DCT: variants seen among roughly 807,000 people sequenced by gnomAD.
DCT encodes dopachrome tautomerase.
DCT carries 47 observed loss-of-function variants against 53.0 expected under a neutral mutation model. The observed-to-expected ratio is 0.89, with a 90% CI of 0.70 to 1.13. The LOEUF is 1.13. Ranked by LOEUF, DCT falls within the 50% of genes most tolerant of loss-of-function variation. DCT has a pLI of 0.00. For missense variants in DCT, 669 were observed against 637.4 expected (o/e 1.05, Z -0.53); for synonymous variants, 244 against 237.0 (o/e 1.03, Z -0.27).
intron 1 of DCT, among the ~76,000 whole-genome samples, chr13:94,475,395 G>A (rs1885002994): frequency 6.6e-6 from 1 of 152,170 alleles, no homozygotes; most frequent in African/African-American, 2.4e-5. Context: ...GGATGGACCT[G>A]GAAGACATTT....
chr13:94,515,928 G>T, the DCT span, among the ~76,000 whole-genome samples: 1 of 152,128 alleles, frequency 6.6e-6, no homozygotes, highest in Non-Finnish European at 1.5e-5. Flanking sequence ...AAGCCATGGG[G>T]CTTAAAAATG....
the DCT span, among the ~76,000 whole-genome samples, chr13:94,507,180 A>G: frequency 6.6e-6 from 1 of 152,234 alleles, no homozygotes; most frequent in African/African-American, 2.4e-5. Context: ...AGATCTCCGA[A>G]TGAGTAAATA....
In DCT at chr13:94,479,100, A is replaced by C; in HGVS notation, c.156T>G (p.Cys52Trp). The C allele has an allele frequency of 6.2e-7, 1 of 1,614,218 alleles. No homozygotes were observed. The highest frequency in any genetic ancestry group is 8.5e-7 in the Non-Finnish European group (1 of 1,180,032). ...ACTGCCCCCGGCCTTGCTGAGAGCCACAGACATTGGCCGACTCTGCACCCA... is the reference window on the plus strand; with the variant it reads ...ACTGCCCCCGGCCTTGCTGAGAGCCCCAGACATTGGCCGACTCTGCACCCA... ...PRLGAESANVCGSQQGRGQCT... is the reference protein window; with the variant it reads ...PRLGAESANVWGSQQGRGQCT... The change falls in exon 1 of 8, where the codon TGT becomes TGG. Residue 52 changes from cysteine (C) to tryptophan (W), a missense_variant. Physicochemically the swap from Cys to Trp is radical, Grantham distance 215. Transcript: ENST00000377028.
At chr13:94,455,319 C>T (rs529853293) in intron 6 of DCT, among the ~76,000 whole-genome samples, 27 of 151,576 alleles carry the variant, frequency 1.8e-4, no homozygotes, top group Non-Finnish European at 3.7e-4. Flanking sequence ...AAGTTTGAGG[C>T]TGCCGTGAGC....
chr13:94,473,391 G>T (rs1211120426), intron 1 of DCT, among the ~76,000 whole-genome samples: 1 of 152,178 alleles, frequency 6.6e-6, no homozygotes, highest in African/African-American at 2.4e-5. Context: ...GCTAAGCTGT[G>T]ATGTTCATAG....
At chr13:94,467,089 A>G (rs1398989008) in intron 2 of DCT, 1 of 153,166 alleles carries the variant, frequency 6.5e-6, no homozygotes, top group Non-Finnish European at 1.5e-5. Context: ...GGGATTAATT[A>G]ATAATATTGT....
At chr13:94,449,020 C>T (rs533676239) in intron 6 of DCT, among the ~76,000 whole-genome samples, 2 of 151,780 alleles carry the variant, frequency 1.3e-5, no homozygotes, top group South Asian at 4.2e-4. Flanking sequence ...AAATGAGGTT[C>T]CGAATTTTGG....
intron 1 of DCT, among the ~76,000 whole-genome samples, chr13:94,471,351 T>TTTTTC (rs1469529762): frequency 6.6e-6 from 1 of 152,208 alleles, no homozygotes; most frequent in Non-Finnish European, 1.5e-5. Context: ...ATTATCTGTA[T>TTTTTC]TTTTCTTTTA....
the DCT span, among the ~76,000 whole-genome samples, chr13:94,548,700 G>A: frequency 6.6e-6 from 1 of 151,616 alleles, no homozygotes; most frequent in Non-Finnish European, 1.5e-5. Flanking sequence ...GAGTACCCAC[G>A]TCCACCCACA....
intron 1 of DCT, among the ~76,000 whole-genome samples, chr13:94,476,577 G>C (rs371865095): frequency 4.6e-4 from 69 of 150,088 alleles, no homozygotes; most frequent in African/African-American, 1.6e-3. Flanking sequence ...CTGGGTTCAA[G>C]TGATTCTCCT....
chr13:94,459,795 T>A (rs1416365653), intron 6 of DCT, among the ~76,000 whole-genome samples: 1 of 152,162 alleles, frequency 6.6e-6, no homozygotes, highest in Non-Finnish European at 1.5e-5. Context: ...TCAACAATAC[T>A]CACTTAGCCA....
chr13:94,471,081 G>A (rs1391225014), intron 1 of DCT, among the ~76,000 whole-genome samples: 1 of 152,162 alleles, frequency 6.6e-6, no homozygotes, highest in Non-Finnish European at 1.5e-5. Context: ...ATAGAGGTAA[G>A]TAAAAAGTAC....
intron 6 of DCT, among the ~76,000 whole-genome samples, chr13:94,445,456 A>T (rs545107966): frequency 6.6e-6 from 1 of 152,320 alleles, no homozygotes; most frequent in South Asian, 2.1e-4. Flanking sequence ...GAGGCTCAAG[A>T]TTTCAGGAAG....
the DCT span, among the ~76,000 whole-genome samples, chr13:94,495,164 T>C: frequency 6.6e-6 from 1 of 152,036 alleles, no homozygotes; most frequent in Non-Finnish European, 1.5e-5. Flanking sequence ...TGGTGCAATC[T>C]TGGCTCACTA....
At chr13:94,538,799 C>T in the DCT span, among the ~76,000 whole-genome samples, 138 of 152,266 alleles carry the variant, frequency 9.1e-4, no homozygotes, top group African/African-American at 2.7e-3. Context: ...AGAAGCTTCC[C>T]CATCCTAACA....
At chr13:94,444,208 T>C (rs1272462823) in intron 6 of DCT, among the ~76,000 whole-genome samples, 1 of 152,160 alleles carries the variant, frequency 6.6e-6, no homozygotes, top group Non-Finnish European at 1.5e-5. Flanking sequence ...ATTTTTGAAT[T>C]TTTTGGATTT....
At chr13:94,497,213 A>T in the DCT span, among the ~76,000 whole-genome samples, 1 of 152,004 alleles carries the variant, frequency 6.6e-6, no homozygotes, top group Non-Finnish European at 1.5e-5. Flanking sequence ...TCAAAGAATG[A>T]CCTCCCCTGA....
chr13:94,508,412 T>C, the DCT span, among the ~76,000 whole-genome samples: 1 of 152,070 alleles, frequency 6.6e-6, no homozygotes, highest in Admixed American at 6.5e-5. Context: ...ATTTGATCAA[T>C]TCCCTTCTAT....
chr13:94,447,966 G>T (rs1270458904), intron 6 of DCT, among the ~76,000 whole-genome samples: 1 of 152,200 alleles, frequency 6.6e-6, no homozygotes, highest in Admixed American at 6.5e-5. Context: ...GCTCTAGTAA[G>T]GCTGCACACA....
Sources: gnomAD v4.1 joint callset for allele counts (sites outside exome capture counted in the v4.1 genomes callset) on GRCh38, gnomAD v4.1.1 for gene constraint, MANE v1.5 for transcripts, NCBI Gene and HGNC (gene_info 2026-07-23, HGNC 2026-07-21) for gene names.